Variants in NAV3 observed in about 807,000 individuals in gnomAD.
The protein encoded by NAV3 is pore membrane and/or filament interacting like protein 1.
Under a neutral mutation model 244.7 loss-of-function variants are expected in NAV3, and 87 were observed. That is an observed-to-expected ratio of 0.36 (90% CI 0.30 to 0.42). The LOEUF (loss-of-function observed/expected upper bound fraction) is 0.42, where lower values mean the gene tolerates loss of function less well. Among genes scored for constraint, NAV3 ranks in the 20% least tolerant of loss-of-function variants. The pLI is 1.00. For missense variants in NAV3, 2,663 were observed against 2,893.3 expected, an observed-to-expected ratio of 0.92 and a Z score of 1.83; for synonymous variants, 1,126 against 1,042.2, an observed-to-expected ratio of 1.08 and a Z score of -1.55.
intron 4 of NAV3, among the ~76,000 whole-genome samples, chr12:77,968,233 C>G (rs1170327974): frequency 1.3e-5 from 2 of 152,198 alleles, no homozygotes; most frequent in African/African-American, 4.8e-5. Flanking sequence ...TAAGAAGCAG[C>G]TAACTCGAGA....
chr12:77,877,991 G>A lies in NAV3; in HGVS notation c.243+46287G>A, dbSNP rs575956701. ...CCCAGTAAAATCATGAGAAAAGTAT[G>A]AGGCAAATTCCAATAAATGAGCATT... On this transcript the variant is annotated intron_variant, in intron 1 of 39. Coordinates refer to ENST00000397909, the MANE Select transcript of NAV3 (RefSeq NM_001024383.2). Among the ~76,000 whole-genome samples the A allele has an allele frequency of 5.9e-5, 9 of 152,182 alleles. No homozygotes were observed. The East Asian group carries it at 1.7e-3, about 30-fold the overall frequency.
chr12:77,710,717 G>A (rs1351868072), intron 2 of NAV3, among the ~76,000 whole-genome samples: 1 of 152,092 alleles, frequency 6.6e-6, no homozygotes, highest in African/African-American at 2.4e-5. Context: ...TGAGTACTTT[G>A]TTTCTGCTGT....
intron 3 of NAV3, among the ~76,000 whole-genome samples, chr12:77,941,702 T>G (rs1026591198): frequency 6.6e-6 from 1 of 152,126 alleles, no homozygotes; most frequent in Non-Finnish European, 1.5e-5. Context: ...TATCAACCAA[T>G]AAAAACTTCA....
chr12:78,105,073 T>A (rs996016714), intron 12 of NAV3, among the ~76,000 whole-genome samples: 2 of 152,264 alleles, frequency 1.3e-5, no homozygotes, highest in Admixed American at 6.5e-5. Flanking sequence ...TGATACATAT[T>A]GCCAAATAAT....
chr12:78,210,118 A>G (rs1309954219), intron 39 of NAV3, among the ~76,000 whole-genome samples: 1 of 152,176 alleles, frequency 6.6e-6, no homozygotes, highest in African/African-American at 2.4e-5. Context: ...GCTGTGATAC[A>G]GTTTCCTTTC....
intron 1 of NAV3, among the ~76,000 whole-genome samples, chr12:77,870,796 A>G (rs1329916633): frequency 6.6e-6 from 1 of 152,224 alleles, no homozygotes; most frequent in Admixed American, 6.5e-5. Context: ...TTTAAATTGA[A>G]TTGTGAAAAG....
chr12:77,847,584 A>G (rs2136220213), intron 1 of NAV3, among the ~76,000 whole-genome samples: 1 of 152,344 alleles, frequency 6.6e-6, no homozygotes, highest in East Asian at 1.9e-4. Context: ...CCAGGTGCTG[A>G]CTTTATCTAC....
intron 2 of NAV3, among the ~76,000 whole-genome samples, chr12:77,810,067 T>G (rs905690405): frequency 1.4e-4 from 21 of 152,282 alleles, no homozygotes; most frequent in African/African-American, 4.6e-4. Flanking sequence ...GTTTTCAGTT[T>G]AATTTCAAAT....
intron 18 of NAV3, chr12:78,130,905 A>C (rs576800122): frequency 5.4e-6 from 1 of 184,278 alleles, no homozygotes; most frequent in African/African-American, 2.3e-5. Context: ...ACAAAAATAC[A>C]TCTGTGTTGG....
At chr12:77,857,004 A>G (rs1239644105) in intron 1 of NAV3, among the ~76,000 whole-genome samples, 1 of 152,154 alleles carries the variant, frequency 6.6e-6, no homozygotes, top group Non-Finnish European at 1.5e-5. Flanking sequence ...CATTGAATAA[A>G]TCTGTTACTT....
At chr12:77,702,529 C>A (rs1875608057) in intron 2 of NAV3, among the ~76,000 whole-genome samples, 1 of 151,844 alleles carries the variant, frequency 6.6e-6, no homozygotes, top group Non-Finnish European at 1.5e-5. Flanking sequence ...TGCGTCTTTT[C>A]TTTCCTGCTT....
chr12:77,754,448 T>C (rs902995717), intron 2 of NAV3, among the ~76,000 whole-genome samples: 7 of 152,210 alleles, frequency 4.6e-5, no homozygotes, highest in Non-Finnish European at 7.4e-5. Flanking sequence ...TATGGTGACC[T>C]TCATTGCTCC....
At chr12:77,630,045 G>A (rs1278954221) in intron 2 of NAV3, among the ~76,000 whole-genome samples, 1 of 152,170 alleles carries the variant, frequency 6.6e-6, no homozygotes, top group Non-Finnish European at 1.5e-5. Context: ...GCAGTCCCAT[G>A]GATTTAACTT....
At chr12:77,848,221 A>T (rs1307941785) in intron 1 of NAV3, among the ~76,000 whole-genome samples, 1 of 152,230 alleles carries the variant, frequency 6.6e-6, no homozygotes, top group East Asian at 1.9e-4. Flanking sequence ...CAAGGTGTGG[A>T]TCTTTCAGTT....
chr12:77,721,064 T>C (rs937683634), intron 2 of NAV3, among the ~76,000 whole-genome samples: 1 of 152,088 alleles, frequency 6.6e-6, no homozygotes, highest in Non-Finnish European at 1.5e-5. Context: ...GAGGAGCATG[T>C]GCTATTGAGT....
Position 77,756,128 on chromosome 12 carries a change from G to A in NAV3, c.72+183862G>A, listed in dbSNP as rs113844866. Among the ~76,000 whole-genome samples, 1,496 of 152,224 alleles carry A rather than the reference G, an allele frequency of 9.8e-3. 31 individuals carry two copies. The highest frequency in any genetic ancestry group is 0.034 in the African/African-American group (1,432 of 41,534). On this transcript the variant is annotated intron_variant, in intron 2 of 8. Coordinates refer to the NAV3 transcript ENST00000550042. Reference sequence around the variant, plus strand: ...AAAAGTATCATCCTTCTAGAAGTGAGTGAGGACTATATGATATAATATATA... The same window carrying A: ...AAAAGTATCATCCTTCTAGAAGTGAATGAGGACTATATGATATAATATATA...
At chr12:77,709,761 T>G (rs1349723288) in intron 2 of NAV3, among the ~76,000 whole-genome samples, 1 of 152,190 alleles carries the variant, frequency 6.6e-6, no homozygotes, top group East Asian at 1.9e-4. Flanking sequence ...CTCATCAAAT[T>G]GCAACCTTGG....
chr12:78,003,188 G>A (rs925996975), intron 7 of NAV3, among the ~76,000 whole-genome samples: 1 of 89,766 alleles, frequency 1.1e-5, no homozygotes. Context: ...AGTGTGAGGA[G>A]GTGCATGAGG....
chr12:78,036,928 T>A (rs920185564), intron 9 of NAV3: 9 of 702,928 alleles, frequency 1.3e-5, no homozygotes, highest in Non-Finnish European at 2.3e-5. Context: ...GGAGCTTGCC[T>A]TCAGAAACAA....
Sources: allele counts gnomAD v4.1 joint callset (sites outside exome capture counted in the v4.1 genomes callset), GRCh38; gene constraint gnomAD v4.1.1; transcripts MANE v1.5; gene names NCBI Gene and HGNC (gene_info 2026-07-23, HGNC 2026-07-21).